Variants in CSRP3 observed in about 807,000 individuals in gnomAD.
The protein encoded by CSRP3 is cysteine and glycine-rich protein 3.
A neutral mutation model predicts 24.3 loss-of-function variants in CSRP3; 24 were observed. The ratio of observed to expected loss-of-function variants is 0.99; its 90% CI spans 0.71 to 1.39. The LOEUF (loss-of-function observed/expected upper bound fraction) is 1.39, where lower values mean the gene tolerates loss of function less well. Among genes scored for constraint, CSRP3 ranks in the 40% most tolerant of loss-of-function variants. The pLI is 0.00. For synonymous variants in CSRP3, 105 were observed against 94.0 expected, an observed-to-expected ratio of 1.12 and a Z score of -0.68; for missense variants, 240 against 249.0, an observed-to-expected ratio of 0.96 and a Z score of 0.24.
At chr11:19,189,141 A>G (rs1850577727) in intron 2 of CSRP3, among the ~76,000 whole-genome samples, 1 of 152,188 alleles carries the variant, frequency 6.6e-6, no homozygotes. Context: ...AATTATCTCC[A>G]ATTCTGTCTT....
chr11:19,185,763 G>A (rs537123637), intron 4 of CSRP3, among the ~76,000 whole-genome samples: 7 of 152,258 alleles, frequency 4.6e-5, no homozygotes, highest in African/African-American at 1.4e-4. Context: ...TGAGTGTCTC[G>A]GACATCTGAT....
intron 2 of CSRP3, among the ~76,000 whole-genome samples, chr11:19,191,279 T>C (rs56384149): frequency 0.17 from 25,436 of 152,210 alleles, 2,324 homozygotes; most frequent in African/African-American, 0.21. Flanking sequence ...TAAAGAATGC[T>C]AGCTCTCTTT....
At chr11:19,194,540 G>A (rs1850666369) in intron 1 of CSRP3, among the ~76,000 whole-genome samples, 2 of 152,202 alleles carry the variant, frequency 1.3e-5, no homozygotes, top group Middle Eastern at 6.8e-3. Flanking sequence ...TTACCCTGGT[G>A]TGGTGGCATG....
At chr11:19,192,310 G>C in intron 2 of CSRP3, 27 bp downstream of exon 2, 1 of 1,560,526 alleles carries the variant, frequency 6.4e-7, no homozygotes, top group Non-Finnish European at 8.8e-7. Flanking sequence ...GATGCTGAGG[G>C]GCCCCCAGGG....
chr11:19,190,034 G>A (rs755331925), intron 2 of CSRP3, among the ~76,000 whole-genome samples: 5 of 152,188 alleles, frequency 3.3e-5, no homozygotes, highest in East Asian at 1.9e-4. Flanking sequence ...TTAATATTCC[G>A]AGAATTTAGC....
intron 3 of CSRP3, among the ~76,000 whole-genome samples, chr11:19,186,899 TAG>T (rs1850535959): frequency 6.6e-6 from 1 of 152,208 alleles, no homozygotes. Context: ...ATGTCCAAAA[TAG>T]AGACATAATA....
intron 1 of CSRP3, among the ~76,000 whole-genome samples, chr11:19,194,714 T>C (rs1390351372): frequency 6.6e-6 from 1 of 151,934 alleles, no homozygotes; most frequent in South Asian, 2.1e-4. Flanking sequence ...TCTTAAAAAA[T>C]GGAAGCATGT....
intron 3 of CSRP3, among the ~76,000 whole-genome samples, chr11:19,187,677 A>G (rs1405972512): frequency 3.9e-5 from 6 of 152,176 alleles, no homozygotes; most frequent in Admixed American, 3.9e-4. Flanking sequence ...GGCACAGCCC[A>G]TCCTTGCAGA....
intron 2 of CSRP3, among the ~76,000 whole-genome samples, chr11:19,190,796 G>T (rs1233663794): frequency 6.6e-6 from 1 of 152,032 alleles, no homozygotes; most frequent in East Asian, 1.9e-4. Context: ...CTCCTCTCTG[G>T]GGCTCTTCTA....
At chr11:19,190,383 A>T (rs1037107456) in intron 2 of CSRP3, among the ~76,000 whole-genome samples, 1 of 152,200 alleles carries the variant, frequency 6.6e-6, no homozygotes, top group African/African-American at 2.4e-5. Context: ...GATTTCAAAC[A>T]CTCAGTACAA....
chr11:19,186,612 G>A (rs748150999), intron 3 of CSRP3, among the ~76,000 whole-genome samples: 4 of 152,338 alleles, frequency 2.6e-5, no homozygotes, highest in South Asian at 2.1e-4. Flanking sequence ...TTTCCTTTTT[G>A]TTGTGAAGCA....
chr11:19,199,844 A>G (rs780106711), intron 1 of CSRP3, among the ~76,000 whole-genome samples: 8 of 152,092 alleles, frequency 5.3e-5, no homozygotes, highest in African/African-American at 1.2e-4. Flanking sequence ...AGTTTTTCAC[A>G]TTTGCAGGCA....
At chr11:19,197,376 C>CCTTCCTTCCTT in intron 1 of CSRP3, among the ~76,000 whole-genome samples, 1 of 3,816 alleles carries the variant, frequency 2.6e-4, no homozygotes, top group African/African-American at 1.0e-3. Flanking sequence ...CTCCCTCCCT[C>CCTTCCTTCCTT]CCTCCCTCCC....
Position 19,188,134 on chromosome 11 carries a change from A to G in CSRP3, c.281+2T>C. 1 of 1,614,114 alleles carries G rather than the reference A, an allele frequency of 6.2e-7. No homozygotes were observed. Among genetic ancestry groups the G allele is most frequent in the South Asian group, 1.1e-5 (1 of 91,080 alleles). On this transcript the variant is annotated splice_donor_variant, in intron 3 of 5. Coordinates refer to ENST00000265968, the MANE Select transcript of CSRP3 (RefSeq NM_003476.5). LOFTEE classifies it high-confidence loss of function. ...GCAAGGGGGAGCAGGGCAGTAACTCACTGTTGGAACTGCAGGCCGAGATGC... is the reference window on the plus strand; with the variant it reads ...GCAAGGGGGAGCAGGGCAGTAACTCGCTGTTGGAACTGCAGGCCGAGATGC...
chr11:19,187,256 A>T (rs905417939), intron 3 of CSRP3, among the ~76,000 whole-genome samples: 2 of 152,262 alleles, frequency 1.3e-5, no homozygotes, highest in Non-Finnish European at 2.9e-5. Context: ...TCTCTCTAAG[A>T]TGACTAATCA....
intron 1 of CSRP3, 62 bp from the exon 2 acceptor site, chr11:19,192,538 A>T (rs1850633968): frequency 9.8e-7 from 1 of 1,016,824 alleles, no homozygotes; most frequent in African/African-American, 1.6e-5. Flanking sequence ...CCAATCTCTA[A>T]GAGTGCAGTG....
At chr11:19,195,739 A>AAAG (rs1182564106) in intron 1 of CSRP3, among the ~76,000 whole-genome samples, 1 of 152,208 alleles carries the variant, frequency 6.6e-6, no homozygotes, top group Non-Finnish European at 1.5e-5. Flanking sequence ...CATACTTTTC[A>AAAG]AAATGAGAAT....
In CSRP3 at chr11:19,182,718, C is replaced by T. The variant is rs886048096; in HGVS notation, c.537G>A (p.Thr179=). 1.1e-5 allele frequency: 17 copies of T among 1,613,982 alleles called. No homozygotes were observed. Among genetic ancestry groups the T allele is most frequent in the Admixed American group, 3.3e-5 (2 of 59,990 alleles). ...GTGTAAGGCCTCCAAACCCAATACC[C>T]GTGGGGCCAAAATTTTTGGCATAGC... ...KVCYAKNFGP[T]GIGFGGLTQQ... The change falls in exon 6 of 6, where the codon ACG becomes ACA. Residue 179 remains threonine (T), a synonymous_variant. Coordinates refer to ENST00000265968, the MANE Select transcript of CSRP3 (RefSeq NM_003476.5).
chr11:19,183,601 G>T (rs9888226), intron 5 of CSRP3, among the ~76,000 whole-genome samples: 4,041 of 151,434 alleles, frequency 0.027, 169 homozygotes, highest in African/African-American at 0.092. Context: ...TTTTCACTTT[G>T]CAATGCAATT....
Sources: allele counts gnomAD v4.1 joint callset (sites outside exome capture counted in the v4.1 genomes callset), GRCh38; gene constraint gnomAD v4.1.1; transcripts MANE v1.5; gene names NCBI Gene and HGNC (gene_info 2026-07-23, HGNC 2026-07-21).